Variants in ACVR1C observed in about 807,000 individuals in gnomAD.
The protein encoded by ACVR1C is activin receptor type-1C.
Under a neutral mutation model 57.9 loss-of-function variants are expected in ACVR1C, and 23 were observed. The ratio of observed to expected loss-of-function variants is 0.40; its 90% CI spans 0.29 to 0.56. ACVR1C has a LOEUF of 0.56. Among genes scored for constraint, ACVR1C ranks in the 20% least tolerant of loss-of-function variants. The probability of loss-of-function intolerance (pLI) is 0.50; values close to 1 mark genes in which losing one functional copy is unlikely to be tolerated. For missense variants in ACVR1C, 480 were observed against 607.9 expected, an observed-to-expected ratio of 0.79 and a Z score of 2.21; for synonymous variants, 214 against 215.3, an observed-to-expected ratio of 0.99 and a Z score of 0.05.
At chr2:157,608,845 GTTTA>G (rs1331038987) in intron 1 of ACVR1C, among the ~76,000 whole-genome samples, 6 of 151,764 alleles carry the variant, frequency 4.0e-5, no homozygotes, top group East Asian at 1.9e-4. Flanking sequence ...TTCTGATTTT[GTTTA>G]TTTGTGTCTT....
chr2:157,613,301 C>T (rs866766261), intron 1 of ACVR1C, among the ~76,000 whole-genome samples: 5 of 152,152 alleles, frequency 3.3e-5, no homozygotes, highest in African/African-American at 4.8e-5. Flanking sequence ...GGGTGAGTGT[C>T]TAATGTCCCT....
intron 1 of ACVR1C, among the ~76,000 whole-genome samples, chr2:157,623,066 C>T (rs577391835): frequency 6.6e-6 from 1 of 152,274 alleles, no homozygotes; most frequent in East Asian, 1.9e-4. Context: ...GATATCATCT[C>T]ACCCCATTTA....
At chr2:157,627,555 T>C (rs980287619) in intron 1 of ACVR1C, among the ~76,000 whole-genome samples, 3 of 152,164 alleles carry the variant, frequency 2.0e-5, no homozygotes, top group Non-Finnish European at 4.4e-5. Context: ...CTCTTGCACA[T>C]GTCACTAAGA....
At chr2:157,563,511 G>A (rs1324795724) in intron 2 of ACVR1C, among the ~76,000 whole-genome samples, 1 of 152,160 alleles carries the variant, frequency 6.6e-6, no homozygotes, top group Non-Finnish European at 1.5e-5. Context: ...TGGATAGGAA[G>A]AATCAATATC....
chr2:157,545,080 G>A (rs890358025), intron 4 of ACVR1C, among the ~76,000 whole-genome samples: 4 of 152,142 alleles, frequency 2.6e-5, no homozygotes, highest in African/African-American at 9.7e-5. Flanking sequence ...AAATGTTGAT[G>A]TTATTCACCT....
At chr2:157,592,251 T>C (rs1573941966) in intron 1 of ACVR1C, among the ~76,000 whole-genome samples, 1 of 152,216 alleles carries the variant, frequency 6.6e-6, no homozygotes, top group East Asian at 1.9e-4. Context: ...GTACATAATC[T>C]GATACTTTCT....
chr2:157,537,180 C>A (rs1222143679), intron 8 of ACVR1C, among the ~76,000 whole-genome samples: 1 of 151,554 alleles, frequency 6.6e-6, no homozygotes, highest in East Asian at 1.9e-4. Flanking sequence ...TGTATATATT[C>A]TAAAAAAATA....
chr2:157,595,581 G>A (rs954423711), intron 1 of ACVR1C, among the ~76,000 whole-genome samples: 1 of 152,066 alleles, frequency 6.6e-6, no homozygotes, highest in African/African-American at 2.4e-5. Context: ...CAGTAATTGG[G>A]GTTTCTTAAT....
At chr2:157,559,255 T>A (rs958814956) in intron 2 of ACVR1C, among the ~76,000 whole-genome samples, 14 of 152,242 alleles carry the variant, frequency 9.2e-5, no homozygotes, top group African/African-American at 3.4e-4. Context: ...TGAACAAATT[T>A]ACCGATATGA....
chr2:157,609,677 G>A (rs1682488310), intron 1 of ACVR1C, among the ~76,000 whole-genome samples: 1 of 151,924 alleles, frequency 6.6e-6, no homozygotes. Flanking sequence ...ATATCTGCTT[G>A]CTGGATTTAT....
At position 157,628,670 on chromosome 2, in the gene ACVR1C, T is replaced by G. The variant is rs1393120086; in HGVS notation, c.-26A>C. 6.5e-7 allele frequency: 1 copy of G among 1,543,222 alleles called. No homozygotes were observed. Among genetic ancestry groups the G allele is most frequent in the East Asian group, 2.4e-5 (1 of 41,038 alleles). On this transcript the variant is annotated 5_prime_UTR_variant, in exon 1 of 9. Coordinates refer to ENST00000243349, the MANE Select transcript of ACVR1C (RefSeq NM_145259.3). The stretch of plus-strand genomic sequence containing the variant: ...CGCCACCAGGCGGCCGCGCCGGGGC[T>G]GCGAGGCCCCAGAGCAGAGCGAGGC...
At chr2:157,583,624 T>C (rs1229641527) in intron 2 of ACVR1C, among the ~76,000 whole-genome samples, 2 of 152,154 alleles carry the variant, frequency 1.3e-5, no homozygotes, top group African/African-American at 4.8e-5. Context: ...ATACTTACTA[T>C]AAAACTACAA....
intron 1 of ACVR1C, among the ~76,000 whole-genome samples, chr2:157,603,287 T>C (rs779292385): frequency 1.3e-5 from 2 of 152,126 alleles, no homozygotes; most frequent in Non-Finnish European, 2.9e-5. Flanking sequence ...CTCTTACCTT[T>C]TAATTGTTGA....
At chr2:157,580,856 C>T (rs911328105) in intron 2 of ACVR1C, among the ~76,000 whole-genome samples, 2 of 151,960 alleles carry the variant, frequency 1.3e-5, no homozygotes, top group African/African-American at 4.8e-5. Flanking sequence ...CTAAGAATGG[C>T]ACTGCCATGA....
intron 3 of ACVR1C, among the ~76,000 whole-genome samples, chr2:157,554,972 C>A (rs995678995): frequency 2.4e-4 from 36 of 151,880 alleles, no homozygotes; most frequent in African/African-American, 7.5e-4. Context: ...AAAACTGTCC[C>A]CCCACTCCGC....
chr2:157,582,783 C>T (rs1175827265), intron 2 of ACVR1C, among the ~76,000 whole-genome samples: 1 of 152,150 alleles, frequency 6.6e-6, no homozygotes, highest in Non-Finnish European at 1.5e-5. Flanking sequence ...AGAAGATATA[C>T]ATTGGTCTAT....
intron 1 of ACVR1C, among the ~76,000 whole-genome samples, chr2:157,613,931 A>G (rs1221449169): frequency 6.6e-6 from 1 of 152,188 alleles, no homozygotes; most frequent in Non-Finnish European, 1.5e-5. Context: ...TGTAGAATAG[A>G]CATTATTTCT....
At chr2:157,534,500 G>T (rs1488929331) in intron 8 of ACVR1C, among the ~76,000 whole-genome samples, 1 of 152,062 alleles carries the variant, frequency 6.6e-6, no homozygotes, top group South Asian at 2.1e-4. Flanking sequence ...ATATGGGAAG[G>T]CTTGGAAATT....
chr2:157,587,500 A>G (rs1168581781), intron 1 of ACVR1C, 83 bp from the exon 2 acceptor site: 11 of 1,067,394 alleles, frequency 1.0e-5, no homozygotes, highest in Non-Finnish European at 1.4e-5. Flanking sequence ...TATAAATTCA[A>G]TCTTAATGAA....
Sources: gnomAD v4.1 joint callset for allele counts (sites outside exome capture counted in the v4.1 genomes callset) on GRCh38, gnomAD v4.1.1 for gene constraint, MANE v1.5 for transcripts, NCBI Gene and HGNC (gene_info 2026-07-23, HGNC 2026-07-21) for gene names.